Variants in QTGAL observed in about 807,000 individuals in gnomAD.
The protein encoded by QTGAL is queuosine-tRNA galactosyltransferase.
At chr17:82,948,714 T>C in the QTGAL span, 1 of 152,230 alleles carries the variant, frequency 6.6e-6, no homozygotes, top group Non-Finnish European at 1.5e-5. Flanking sequence ...ACAACCAACA[T>C]AGACGGCATT....
At chr17:82,977,695 CTG>C in the QTGAL span, among the ~76,000 whole-genome samples, 1 of 152,196 alleles carries the variant, frequency 6.6e-6, no homozygotes, top group South Asian at 2.1e-4. Context: ...CACACAGAAT[CTG>C]TGAAATGGAG....
the QTGAL span, chr17:82,957,511 G>A: frequency 1.3e-6 from 2 of 1,591,020 alleles, no homozygotes; most frequent in Admixed American, 1.8e-5. Context: ...TGGAGAAGAG[G>A]GTGATAGGCA....
the QTGAL span, among the ~76,000 whole-genome samples, chr17:83,026,612 C>T: frequency 1.2e-5 from 1 of 86,254 alleles, no homozygotes; most frequent in Admixed American, 1.3e-4. Flanking sequence ...CACCATCGAC[C>T]GATACACAGA....
At chr17:83,035,766 C>A in the QTGAL span, among the ~76,000 whole-genome samples, 1 of 150,654 alleles carries the variant, frequency 6.6e-6, no homozygotes, top group African/African-American at 2.5e-5. Flanking sequence ...GTAAAGTCTA[C>A]CCTGATGAAA....
the QTGAL span, among the ~76,000 whole-genome samples, chr17:83,023,488 C>T: frequency 1.3e-5 from 2 of 152,238 alleles, no homozygotes; most frequent in Non-Finnish European, 2.9e-5. Flanking sequence ...GCCGACAAGT[C>T]AAATATAGAA....
the QTGAL span, chr17:83,014,518 T>G: frequency 1.9e-6 from 3 of 1,613,920 alleles, no homozygotes; most frequent in Middle Eastern, 1.7e-4. Context: ...CATGACGTCA[T>G]CCTGCAGTAA....
At chr17:83,026,966 AG>A in the QTGAL span, among the ~76,000 whole-genome samples, 1 of 838 alleles carries the variant, frequency 1.2e-3, no homozygotes, top group Non-Finnish European at 4.6e-3. Context: ...AGAGCGGGGC[AG>A]GGAGCCTGCA....
the QTGAL span, among the ~76,000 whole-genome samples, chr17:82,969,283 C>T: frequency 5.0e-5 from 7 of 140,800 alleles, no homozygotes; most frequent in Non-Finnish European, 9.5e-5. Flanking sequence ...CCTCGGCCAT[C>T]GGAGTAGCTG....
chr17:82,995,297 C>A, the QTGAL span, among the ~76,000 whole-genome samples: 1 of 152,210 alleles, frequency 6.6e-6, no homozygotes, highest in African/African-American at 2.4e-5. Flanking sequence ...CTAAAGACTC[C>A]ACCAAACAAC....
the QTGAL span, among the ~76,000 whole-genome samples, chr17:83,035,307 G>A: frequency 2.0e-5 from 3 of 151,920 alleles, no homozygotes; most frequent in Non-Finnish European, 4.4e-5. Flanking sequence ...AGCCTCCTGA[G>A]TAGCTGGGAT....
chr17:82,942,183 T>C, the QTGAL span: 3 of 551,260 alleles, frequency 5.4e-6, no homozygotes, highest in Non-Finnish European at 9.5e-6. Flanking sequence ...TTAGGAAAAA[T>C]TTCAAACGTG....
the QTGAL span, among the ~76,000 whole-genome samples, chr17:83,028,421 G>A: frequency 2.0e-5 from 3 of 150,746 alleles, no homozygotes; most frequent in African/African-American, 7.3e-5. Flanking sequence ...CTACTCGGGA[G>A]GCTGAGGCAG....
At chr17:83,008,173 C>T in the QTGAL span, among the ~76,000 whole-genome samples, 1 of 152,174 alleles carries the variant, frequency 6.6e-6, no homozygotes, top group Non-Finnish European at 1.5e-5. Flanking sequence ...GCACCTAGCA[C>T]AGGGCCTGGA....
chr17:82,962,251 C>T, the QTGAL span, among the ~76,000 whole-genome samples: 1 of 152,068 alleles, frequency 6.6e-6, no homozygotes, highest in East Asian at 1.9e-4. Context: ...GGTTCCACGT[C>T]CAAAAAAAAG....
chr17:82,972,842 C>CCACAG, the QTGAL span, among the ~76,000 whole-genome samples: 1 of 136,762 alleles, frequency 7.3e-6, no homozygotes, highest in Non-Finnish European at 1.6e-5. Context: ...CTGGTGCCGA[C>CCACAG]CACACCACAC....
the QTGAL span, among the ~76,000 whole-genome samples, chr17:83,038,641 G>A: frequency 3.7e-4 from 57 of 152,298 alleles, no homozygotes; most frequent in Non-Finnish European, 7.5e-4. Flanking sequence ...GGCGGATCAG[G>A]AGGTCAGGAG....
At chr17:83,024,628 T>C in the QTGAL span, among the ~76,000 whole-genome samples, 1 of 152,374 alleles carries the variant, frequency 6.6e-6, no homozygotes, top group African/African-American at 2.4e-5. Context: ...AAGAGGACTC[T>C]GGCCCAGGGG....
At chr17:83,015,166 C>T in the QTGAL span, among the ~76,000 whole-genome samples, 9 of 148,782 alleles carry the variant, frequency 6.0e-5, 1 homozygote, top group South Asian at 1.1e-3. This position sits in a 1 kb window ranked among gnomAD's most constrained non-coding sequence, Gnocchi z 4.4. Flanking sequence ...GGACCGTCTG[C>T]GGTGAGGACC....
At chr17:82,949,523 G>A in the QTGAL span, 1 of 152,196 alleles carries the variant, frequency 6.6e-6, no homozygotes, top group African/African-American at 2.4e-5. Context: ...CGGAATTGCA[G>A]GGGAGCCTGA....
Sources: gnomAD v4.1 joint callset for allele counts (sites outside exome capture counted in the v4.1 genomes callset) on GRCh38, gnomAD v4.1.1 for gene constraint, Gnocchi (gnomAD v3.1) non-coding constraint, MANE v1.5 for transcripts, NCBI Gene and HGNC (gene_info 2026-07-23, HGNC 2026-07-21) for gene names.